SGCD: variants seen among roughly 807,000 people sequenced by gnomAD.
The protein encoded by SGCD is sarcoglycan delta.
Under a neutral mutation model 36.6 loss-of-function variants are expected in SGCD, and 18 were observed. The ratio of observed to expected loss-of-function variants is 0.49; its 90% CI spans 0.34 to 0.73. SGCD has a LOEUF of 0.73. Among genes scored for constraint, SGCD ranks in the 30% least tolerant of loss-of-function variants. The pLI is 0.01. For synonymous variants in SGCD, 133 were observed against 130.6 expected, an observed-to-expected ratio of 1.02 and a Z score of -0.12; for missense variants, 387 against 346.7, an observed-to-expected ratio of 1.12 and a Z score of -0.92.
At chr5:155,895,755 C>T (rs1172099082) in intron 1 of SGCD, among the ~76,000 whole-genome samples, 4 of 151,520 alleles carry the variant, frequency 2.6e-5, no homozygotes, top group African/African-American at 9.7e-5. Flanking sequence ...GGATATAGAC[C>T]CATTTAGAGA....
At chr5:156,178,856 G>T (rs1002584055) in intron 3 of SGCD, among the ~76,000 whole-genome samples, 1 of 152,110 alleles carries the variant, frequency 6.6e-6, no homozygotes, top group African/African-American at 2.4e-5. Context: ...GTGAGCCACC[G>T]CGCCCAGCCT....
intron 3 of SGCD, among the ~76,000 whole-genome samples, chr5:156,403,896 C>A (rs1225014654): frequency 6.6e-6 from 1 of 151,126 alleles, no homozygotes; most frequent in African/African-American, 2.4e-5. Flanking sequence ...GTGCAGTGTG[C>A]GATCTTGGCT....
intron 1 of SGCD, among the ~76,000 whole-genome samples, chr5:155,874,201 A>G (rs1283756078): frequency 6.6e-6 from 1 of 152,142 alleles, no homozygotes; most frequent in African/African-American, 2.4e-5. Flanking sequence ...GCCTAACTCT[A>G]TTACAGAGAA....
At chr5:156,726,879 G>A (rs1373984910) in intron 7 of SGCD, among the ~76,000 whole-genome samples, 1 of 152,166 alleles carries the variant, frequency 6.6e-6, no homozygotes, top group East Asian at 1.9e-4. Context: ...GTATGATTGT[G>A]GTCAAGTTAC....
intron 4 of SGCD, among the ~76,000 whole-genome samples, chr5:156,534,257 C>T (rs187644444): frequency 6.6e-6 from 1 of 152,148 alleles, no homozygotes; most frequent in East Asian, 1.9e-4. Flanking sequence ...GACACGCCCC[C>T]ACATTATGCA....
chr5:155,751,066 T>C, the SGCD span, among the ~76,000 whole-genome samples: 1 of 152,198 alleles, frequency 6.6e-6, no homozygotes, highest in African/African-American at 2.4e-5. Context: ...CAAAAAGTGA[T>C]TCTTTGACTG....
chr5:156,414,196 T>C (rs1025752491), intron 3 of SGCD, among the ~76,000 whole-genome samples: 5 of 152,196 alleles, frequency 3.3e-5, no homozygotes, highest in African/African-American at 9.7e-5. Flanking sequence ...TAAAACCCAG[T>C]CTAAAGTGGT....
At position 156,158,634 on chromosome 5, in the gene SGCD, T is replaced by C. The variant is rs75158906; in HGVS notation, c.-44+34615T>C. On this transcript the variant is annotated intron_variant, in intron 3 of 9. Transcript: ENST00000517913. ...GACCAGAGAGCCCATTAATGCAGTC[T>C]TTACGGACAAGCCTTCCGGGGTACT... Among the ~76,000 whole-genome samples, 1,362 of 151,642 alleles carry C rather than the reference T, an allele frequency of 9.0e-3. 58 individuals carry two copies. The highest frequency in any genetic ancestry group is 0.032 in the African/African-American group (1,311 of 40,972).
chr5:156,627,411 A>T (rs1581280823), intron 6 of SGCD, among the ~76,000 whole-genome samples: 1 of 152,184 alleles, frequency 6.6e-6, no homozygotes, highest in Admixed American at 6.6e-5. Flanking sequence ...CAAATTAATC[A>T]TACTTACTAG....
At position 156,108,926 on chromosome 5, in the gene SGCD, C is replaced by G. The variant is rs77690622; in HGVS notation, c.-281-8952C>G. ...GTAAGGGAGAGTTTAAAAAATGGAACCTTTGTATTATTTATTTGTCTCCAA... is the reference window on the plus strand; with the variant it reads ...GTAAGGGAGAGTTTAAAAAATGGAAGCTTTGTATTATTTATTTGTCTCCAA... On this transcript the variant is annotated intron_variant, in intron 1 of 9. Coordinates refer to the SGCD transcript ENST00000517913. 8.9e-3 allele frequency among the ~76,000 whole-genome samples: 1,352 copies of G among 152,212 alleles called. 16 individuals are homozygous for G. Among genetic ancestry groups the G allele is most frequent in the African/African-American group, 0.031 (1,282 of 41,546 alleles).
At chr5:156,600,028 G>T (rs1761126347) in intron 6 of SGCD, among the ~76,000 whole-genome samples, 1 of 152,044 alleles carries the variant, frequency 6.6e-6, no homozygotes, top group Non-Finnish European at 1.5e-5. Context: ...TGTTGGTGAT[G>T]GATTTTTTTT....
At chr5:156,374,660 G>GT (rs1381805534) in intron 3 of SGCD, among the ~76,000 whole-genome samples, 2 of 124,118 alleles carry the variant, frequency 1.6e-5, no homozygotes, top group African/African-American at 6.6e-5. Flanking sequence ...AAGCAACCCT[G>GT]TCTTTTTTTT....
At chr5:156,592,971 G>A (rs1177036061) in intron 5 of SGCD, among the ~76,000 whole-genome samples, 2 of 152,136 alleles carry the variant, frequency 1.3e-5, no homozygotes, top group Non-Finnish European at 2.9e-5. Flanking sequence ...GCAGTAGAAT[G>A]GCGACATCCA....
chr5:156,420,878 T>C (rs1242178678), intron 3 of SGCD, among the ~76,000 whole-genome samples: 1 of 152,146 alleles, frequency 6.6e-6, no homozygotes, highest in African/African-American at 2.4e-5. Context: ...TGGTGATCCA[T>C]GCTTCAACGT....
the SGCD span, among the ~76,000 whole-genome samples, chr5:155,753,245 G>C: frequency 6.6e-6 from 1 of 151,934 alleles, no homozygotes; most frequent in African/African-American, 2.4e-5. Flanking sequence ...GCTGAGGCAG[G>C]AGAATCACTT....
At chr5:156,285,032 CACAA>C (rs1276476842) in intron 3 of SGCD, among the ~76,000 whole-genome samples, 1 of 152,006 alleles carries the variant, frequency 6.6e-6, no homozygotes, top group African/African-American at 2.4e-5. Flanking sequence ...ACCAATAACA[CACAA>C]ACAGAGAGCT....
In SGCD at chr5:156,696,915, A is replaced by AAC. The variant is rs57963416; in HGVS notation, c.575+49426_575+49427dup. ...TTCTCTCCCCATCATCCTTACACAC[A>AAC]ACACACACACACACACACACACACA... On this transcript the variant is annotated intron_variant, in intron 7 of 8. Coordinates refer to ENST00000337851, the MANE Select transcript of SGCD (RefSeq NM_000337.6). Among the ~76,000 whole-genome samples the AAC allele has an allele frequency of 7.7e-3, 1,114 of 145,132 alleles. 9 individuals are homozygous for AAC. The highest frequency in any genetic ancestry group is 0.024 in the East Asian group (116 of 4,870).
At chr5:156,422,468 G>A (rs536706588) in intron 3 of SGCD, among the ~76,000 whole-genome samples, 2 of 152,066 alleles carry the variant, frequency 1.3e-5, no homozygotes, top group Admixed American at 6.6e-5. Flanking sequence ...ATTGATTGCA[G>A]CAGCATCACA....
At chr5:155,751,193 T>G in the SGCD span, among the ~76,000 whole-genome samples, 2 of 152,200 alleles carry the variant, frequency 1.3e-5, no homozygotes, top group Non-Finnish European at 2.9e-5. Context: ...AAGAGACTAT[T>G]AAAGAGCATA....
Sources: gnomAD v4.1 joint callset for allele counts (sites outside exome capture counted in the v4.1 genomes callset) on GRCh38, gnomAD v4.1.1 for gene constraint, MANE v1.5 for transcripts, NCBI Gene and HGNC (gene_info 2026-07-23, HGNC 2026-07-21) for gene names.